THSD7B: variants seen among roughly 807,000 people sequenced by gnomAD.
The protein encoded by THSD7B is thrombospondin type-1 domain-containing protein 7B.
In THSD7B, 138 loss-of-function variants were observed where a neutral mutation model predicts 213.6. The ratio of observed to expected loss-of-function variants is 0.65; its 90% CI spans 0.56 to 0.74. THSD7B has a LOEUF of 0.74. THSD7B is among the 30% of genes least tolerant of loss of function. THSD7B has a pLI of 0.00. For missense variants in THSD7B, 1,931 were observed against 1,991.5 expected (o/e 0.97, Z 0.58); for synonymous variants, 742 against 687.0 (o/e 1.08, Z -1.25).
intron 12 of THSD7B, among the ~76,000 whole-genome samples, chr2:137,331,969 G>A (rs12615312): frequency 0.24 from 35,731 of 152,004 alleles, 4,746 homozygotes; most frequent in South Asian, 0.3. Flanking sequence ...ACACAGCCCC[G>A]GTTCCCACTC....
At chr2:137,635,754 C>G (rs1042806201) in intron 20 of THSD7B, among the ~76,000 whole-genome samples, 1 of 151,386 alleles carries the variant, frequency 6.6e-6, no homozygotes. Flanking sequence ...TCACAGGCTA[C>G]AGTGCAGTGG....
intron 1 of THSD7B, among the ~76,000 whole-genome samples, chr2:136,879,302 C>A (rs1358139165): frequency 2.0e-5 from 3 of 152,184 alleles, no homozygotes; most frequent in Admixed American, 2.0e-4. Flanking sequence ...CAGTACCATG[C>A]TGTTTTGGTT....
intron 15 of THSD7B, among the ~76,000 whole-genome samples, chr2:137,461,243 T>C (rs1403475136): frequency 6.6e-6 from 1 of 152,070 alleles, no homozygotes; most frequent in Non-Finnish European, 1.5e-5. Context: ...AAGAGTAGAA[T>C]TGCTAGATCA....
chr2:137,147,340 T>C (rs1679722566), intron 5 of THSD7B, among the ~76,000 whole-genome samples: 1 of 152,322 alleles, frequency 6.6e-6, no homozygotes, highest in Admixed American at 6.5e-5. Flanking sequence ...TCTTGGGACC[T>C]AGTGAATCCC....
intron 1 of THSD7B, among the ~76,000 whole-genome samples, chr2:136,773,578 G>A (rs78422414): frequency 6.6e-6 from 1 of 151,862 alleles, no homozygotes; most frequent in African/African-American, 2.4e-5. Context: ...TTAGATCTTC[G>A]CTGTATTACA....
At chr2:137,368,640 C>T (rs1001223024) in intron 12 of THSD7B, among the ~76,000 whole-genome samples, 3 of 151,990 alleles carry the variant, frequency 2.0e-5, no homozygotes, top group African/African-American at 7.3e-5. Context: ...GAAGATTATA[C>T]AACCAAGAGA....
chr2:136,872,040 C>T (rs1683438344), intron 1 of THSD7B, among the ~76,000 whole-genome samples: 3 of 152,170 alleles, frequency 2.0e-5, no homozygotes, highest in Admixed American at 2.0e-4. Flanking sequence ...CACACTCATA[C>T]AACATACATC....
intron 12 of THSD7B, among the ~76,000 whole-genome samples, chr2:137,280,279 G>A (rs1442410810): frequency 1.3e-5 from 2 of 152,036 alleles, no homozygotes; most frequent in African/African-American, 4.8e-5. Context: ...TACCTTGCAG[G>A]GCCTCGTACT....
intron 15 of THSD7B, among the ~76,000 whole-genome samples, chr2:137,461,848 C>T (rs1018976855): frequency 3.3e-5 from 5 of 152,116 alleles, no homozygotes; most frequent in Non-Finnish European, 5.9e-5. Flanking sequence ...ATCTCCTCAT[C>T]AGCCCTCATC....
chr2:137,571,561 A>G (rs1464549150), intron 16 of THSD7B, among the ~76,000 whole-genome samples: 2 of 152,204 alleles, frequency 1.3e-5, no homozygotes, highest in Non-Finnish European at 2.9e-5. Flanking sequence ...AGAATTAATT[A>G]TAATCGCTCT....
rs531796355 is a variant in THSD7B at position 136,809,834 on chromosome 2, T to G, written c.-36+44147T>G. Among the ~76,000 whole-genome samples the G allele has an allele frequency of 2.0e-5, 3 of 152,106 alleles. No individual in the cohort carries two copies. The South Asian group carries it at 6.2e-4, about 32-fold the overall frequency. On this transcript the variant is annotated intron_variant, in intron 1 of 27. Coordinates refer to ENST00000409968, the MANE Select transcript of THSD7B (RefSeq NM_001316349.2). Reference sequence around the variant, plus strand: ...GGAGCTTGGACTTGGGTGGTGGAGATGACAATAATGAAAAAAGTGCCAGCC... The same window carrying G: ...GGAGCTTGGACTTGGGTGGTGGAGAGGACAATAATGAAAAAAGTGCCAGCC...
At chr2:137,402,155 C>A (rs1558784973) in intron 12 of THSD7B, among the ~76,000 whole-genome samples, 1 of 152,118 alleles carries the variant, frequency 6.6e-6, no homozygotes, top group African/African-American at 2.4e-5. Context: ...TCTCACTAGA[C>A]TTTTTTATAG....
intron 7 of THSD7B, among the ~76,000 whole-genome samples, chr2:137,230,798 C>T (rs911821567): frequency 5.3e-5 from 8 of 152,150 alleles, no homozygotes; most frequent in African/African-American, 4.8e-5. Context: ...TTTAGCCATC[C>T]GTGGCTAAAT....
chr2:137,139,052 C>T (rs1295093532), intron 5 of THSD7B, among the ~76,000 whole-genome samples: 3 of 152,064 alleles, frequency 2.0e-5, no homozygotes, highest in Non-Finnish European at 2.9e-5. Flanking sequence ...TTCTATCACT[C>T]AACATTCTGT....
chr2:137,570,792 T>C (rs1258630294), intron 16 of THSD7B, among the ~76,000 whole-genome samples: 1 of 152,148 alleles, frequency 6.6e-6, no homozygotes, highest in Non-Finnish European at 1.5e-5. Context: ...CATGTCTGTC[T>C]CTATTTCAGT....
intron 12 of THSD7B, among the ~76,000 whole-genome samples, chr2:137,326,481 TA>T (rs201256639): frequency 2.0e-5 from 3 of 151,934 alleles, no homozygotes; most frequent in South Asian, 2.1e-4. Flanking sequence ...CAACTAAATG[TA>T]AAAAAAACTT....
chr2:137,042,580 A>G (rs1488364207), intron 2 of THSD7B, among the ~76,000 whole-genome samples: 1 of 152,268 alleles, frequency 6.6e-6, no homozygotes, highest in East Asian at 1.9e-4. Context: ...AATAACAAGG[A>G]TCCTCCTTTC....
intron 14 of THSD7B, among the ~76,000 whole-genome samples, chr2:137,418,554 C>T (rs1411486447): frequency 6.6e-6 from 1 of 152,198 alleles, no homozygotes; most frequent in Non-Finnish European, 1.5e-5. Context: ...TGGAAACATT[C>T]AAATTACTCT....
chr2:137,624,571 C>G (rs996304553), intron 20 of THSD7B, among the ~76,000 whole-genome samples: 3 of 152,044 alleles, frequency 2.0e-5, no homozygotes, highest in African/African-American at 7.2e-5. Context: ...CACAGTCTAC[C>G]CATCCGACAA....
Sources: gnomAD v4.1 joint callset for allele counts (sites outside exome capture counted in the v4.1 genomes callset) on GRCh38, gnomAD v4.1.1 for gene constraint, MANE v1.5 for transcripts, NCBI Gene and HGNC (gene_info 2026-07-23, HGNC 2026-07-21) for gene names.